Variants in CTNNA1 observed in about 807,000 individuals in gnomAD.
CTNNA1 encodes catenin alpha 1.
In CTNNA1, 37 loss-of-function variants were observed where a neutral mutation model predicts 98.4. That is an observed-to-expected ratio of 0.38 (90% CI 0.29 to 0.49). The LOEUF is 0.49. CTNNA1 is among the 20% of genes least tolerant of loss of function. The pLI, the probability that CTNNA1 is intolerant of heterozygous loss-of-function variation, is 0.95. For synonymous variants in CTNNA1, 404 were observed against 413.2 expected (o/e 0.98, Z 0.27); for missense variants, 761 against 1,147.2 (o/e 0.66, Z 4.86).
chr5:138,822,538 T>C (rs1373394025), intron 5 of CTNNA1, among the ~76,000 whole-genome samples: 4 of 151,930 alleles, frequency 2.6e-5, no homozygotes, highest in African/African-American at 9.7e-5. Flanking sequence ...CCCGGAAAAC[T>C]TTTAGAGCCC....
intron 12 of CTNNA1, 137 bp from the exon 13 acceptor site, chr5:138,925,119 A>G (rs1240428315): frequency 3.4e-6 from 3 of 878,266 alleles, no homozygotes; most frequent in Non-Finnish European, 5.1e-6. Flanking sequence ...TTTCAACTGT[A>G]AATACCCTTC....
At chr5:138,760,678 T>A (rs1055492029) in intron 1 of CTNNA1, among the ~76,000 whole-genome samples, 1 of 152,236 alleles carries the variant, frequency 6.6e-6, no homozygotes, top group African/African-American at 2.4e-5. Context: ...TCCATTCATA[T>A]GTTGATGGAC....
intron 7 of CTNNA1, among the ~76,000 whole-genome samples, chr5:138,846,449 T>C (rs538773386): frequency 6.6e-6 from 1 of 152,242 alleles, no homozygotes; most frequent in Non-Finnish European, 1.5e-5. Flanking sequence ...TTTAAAGATA[T>C]TTACATGCGT....
At chr5:138,850,677 A>AGAAG (rs1187812684) in intron 7 of CTNNA1, among the ~76,000 whole-genome samples, 1 of 152,172 alleles carries the variant, frequency 6.6e-6, no homozygotes, top group Non-Finnish European at 1.5e-5. Context: ...ATTTCACTGT[A>AGAAG]GTCTCTTTCA....
At chr5:138,795,391 G>C (rs1336718251) in intron 3 of CTNNA1, among the ~76,000 whole-genome samples, 1 of 152,032 alleles carries the variant, frequency 6.6e-6, no homozygotes, top group Non-Finnish European at 1.5e-5. Flanking sequence ...TCAGGAGGCG[G>C]AGATTGCAGT....
At chr5:138,818,215 C>A (rs1041357561) in intron 5 of CTNNA1, among the ~76,000 whole-genome samples, 5 of 150,500 alleles carry the variant, frequency 3.3e-5, no homozygotes, top group Admixed American at 3.3e-4. Context: ...CTCAAGTGAT[C>A]CTCCCATCTC....
chr5:138,891,791 AC>A (rs753307835), intron 9 of CTNNA1, among the ~76,000 whole-genome samples: 7 of 152,124 alleles, frequency 4.6e-5, no homozygotes, highest in Non-Finnish European at 7.4e-5. Context: ...AACCACAAAA[AC>A]AAAAAACCAT....
chr5:138,802,317 C>T (rs536387530), intron 3 of CTNNA1, among the ~76,000 whole-genome samples: 344 of 152,054 alleles, frequency 2.3e-3, no homozygotes, highest in Admixed American at 4.2e-3. Context: ...ATTTTTAATG[C>T]ATAGACAAAA....
chr5:138,798,006 G>A (rs187519510), intron 3 of CTNNA1, among the ~76,000 whole-genome samples: 1 of 152,246 alleles, frequency 6.6e-6, no homozygotes, highest in East Asian at 1.9e-4. Context: ...TGGAGTGAAG[G>A]AAGCTCCCCT....
At chr5:138,879,013 C>T (rs893729386) in intron 7 of CTNNA1, among the ~76,000 whole-genome samples, 1 of 151,874 alleles carries the variant, frequency 6.6e-6, no homozygotes, top group Non-Finnish European at 1.5e-5. Context: ...AGTTCAAGAC[C>T]AGCCTGGCCA....
At chr5:138,772,631 G>A (rs948305512) in intron 1 of CTNNA1, among the ~76,000 whole-genome samples, 2 of 152,224 alleles carry the variant, frequency 1.3e-5, no homozygotes, top group East Asian at 1.9e-4. Flanking sequence ...AGCAACTTAC[G>A]GGATATAAAG....
chr5:138,868,752 A>G (rs1765050326), intron 7 of CTNNA1, among the ~76,000 whole-genome samples: 1 of 152,120 alleles, frequency 6.6e-6, no homozygotes, highest in Non-Finnish European at 1.5e-5. Context: ...CTCTCTCTGA[A>G]GACAGGTAAT....
chr5:138,920,656 A>G (rs1042696455), intron 11 of CTNNA1, among the ~76,000 whole-genome samples: 1 of 152,110 alleles, frequency 6.6e-6, no homozygotes, highest in African/African-American at 2.4e-5. Context: ...ACAGAGTGAG[A>G]GGTTTTATGT....
chr5:138,783,409 G>A (rs1755351840), intron 3 of CTNNA1, 37 bp downstream of exon 3: 2 of 1,546,146 alleles, frequency 1.3e-6, no homozygotes, highest in South Asian at 2.4e-5. Flanking sequence ...AGAGAGGCAG[G>A]CCTTTCTAGA....
At position 138,873,112 on chromosome 5, in the gene CTNNA1, C is replaced by T. The variant is rs745591711; in HGVS notation, c.1063-13100C>T. 41 of 1,613,748 alleles carry T rather than the reference C, an allele frequency of 2.5e-5. 1 individual carries two copies. The South Asian group carries it at 2.9e-4, about 11-fold the overall frequency. On this transcript the variant is annotated intron_variant, in intron 7 of 17. Coordinates refer to ENST00000302763, the MANE Select transcript of CTNNA1 (RefSeq NM_001903.5). This position sits in a 1 kb window ranked among gnomAD's most constrained non-coding sequence, Gnocchi z 6.1. Reference sequence around the variant, plus strand: ...CATGGGTGGGTTCATATTCATTATACGGTCCTTGGTCTGACATGTTTGACA... The same window carrying T: ...CATGGGTGGGTTCATATTCATTATATGGTCCTTGGTCTGACATGTTTGACA...
rs779989605 is a variant in CTNNA1 at position 138,824,799 on chromosome 5, C to T, written c.858C>T (p.Asp286=). The T allele has an allele frequency of 1.2e-5, 20 of 1,609,892 alleles. 1 individual carries two copies. Among genetic ancestry groups the T allele is most frequent in the Middle Eastern group, 3.3e-4 (2 of 6,066 alleles). Reference sequence around the variant, plus strand: ...TGGCATATGCACTCAATAACTTTGACGTAAGTTATGCTTGGGTGGAAATTT... The same window carrying T: ...TGGCATATGCACTCAATAACTTTGATGTAAGTTATGCTTGGGTGGAAATTT... ...GELAYALNNF[D]KQIIVDPLSF... Residue 286 remains aspartate, a splice_region_variant and synonymous_variant, in exon 6 of 18, where the codon GAC becomes GAT. Transcript: ENST00000302763.
chr5:138,844,592 G>A (rs1762542878), intron 7 of CTNNA1, among the ~76,000 whole-genome samples: 1 of 152,080 alleles, frequency 6.6e-6, no homozygotes, highest in African/African-American at 2.4e-5. Context: ...AAAAGACATA[G>A]GGAGCTTTGT....
intron 9 of CTNNA1, among the ~76,000 whole-genome samples, chr5:138,898,159 C>A (rs1376938257): frequency 3.3e-5 from 4 of 120,754 alleles, no homozygotes; most frequent in Admixed American, 3.2e-4. Context: ...TCCTCCCCCA[C>A]CCCCCCCCAC....
chr5:138,805,610 T>TTTTG (rs1161816716), intron 3 of CTNNA1, among the ~76,000 whole-genome samples: 4 of 151,998 alleles, frequency 2.6e-5, no homozygotes, highest in South Asian at 2.1e-4. Flanking sequence ...ATTGGTCTAT[T>TTTTG]TTTGTTTGTT....
Sources: gnomAD v4.1 joint callset for allele counts (sites outside exome capture counted in the v4.1 genomes callset) on GRCh38, gnomAD v4.1.1 for gene constraint, Gnocchi (gnomAD v3.1) non-coding constraint, MANE v1.5 for transcripts, NCBI Gene and HGNC (gene_info 2026-07-23, HGNC 2026-07-21) for gene names.